Variants in LRRC28 observed in about 807,000 individuals in gnomAD.
The protein encoded by LRRC28 is leucine rich repeat containing 28.
LRRC28 carries 39 observed loss-of-function variants against 45.7 expected under a neutral mutation model. That is an observed-to-expected ratio of 0.85 (90% CI 0.66 to 1.12). The LOEUF (loss-of-function observed/expected upper bound fraction) is 1.12, where lower values mean the gene tolerates loss of function less well. Among genes scored for constraint, LRRC28 ranks in the 50% most tolerant of loss-of-function variants. The pLI is 0.00. For missense variants in LRRC28, 435 were observed against 438.5 expected, an observed-to-expected ratio of 0.99 and a Z score of 0.07; for synonymous variants, 206 against 178.8, an observed-to-expected ratio of 1.15 and a Z score of -1.22.
chr15:99,347,460 G>A (rs1956728965), intron 6 of LRRC28, among the ~76,000 whole-genome samples: 1 of 152,154 alleles, frequency 6.6e-6, no homozygotes, highest in South Asian at 2.1e-4. Flanking sequence ...GCCCGCCTTG[G>A]CCTCCCAAAG....
chr15:99,269,247 T>C (rs1010626290), intron 2 of LRRC28, among the ~76,000 whole-genome samples: 1 of 152,244 alleles, frequency 6.6e-6, no homozygotes, highest in Non-Finnish European at 1.5e-5. Context: ...GCTAAGCAAA[T>C]ACTTTCATTT....
intron 7 of LRRC28, among the ~76,000 whole-genome samples, chr15:99,354,225 G>A (rs1380083686): frequency 6.6e-6 from 1 of 152,116 alleles, no homozygotes; most frequent in Non-Finnish European, 1.5e-5. Context: ...GTATTCCTAA[G>A]CAAACTCATT....
At chr15:99,263,775 A>G (rs531450273) in intron 2 of LRRC28, among the ~76,000 whole-genome samples, 16 of 152,352 alleles carry the variant, frequency 1.1e-4, no homozygotes, top group Admixed American at 9.1e-4. Flanking sequence ...GAAGAGCATC[A>G]TTCAATCAGT....
At chr15:99,286,603 C>T (rs1240156935) in intron 3 of LRRC28, 1 of 152,192 alleles carries the variant, frequency 6.6e-6, no homozygotes, top group Non-Finnish European at 1.5e-5. Flanking sequence ...AGGAAGTCTC[C>T]ACCAGAGTGT....
chr15:99,357,808 A>AT, intron 7 of LRRC28, among the ~76,000 whole-genome samples: 1 of 152,116 alleles, frequency 6.6e-6, no homozygotes, highest in Non-Finnish European at 1.5e-5. Context: ...ACTTTTGATG[A>AT]TTTTGTATGA....
chr15:99,357,781 T>C (rs117763725), intron 7 of LRRC28, among the ~76,000 whole-genome samples: 3,338 of 152,226 alleles, frequency 0.022, 54 homozygotes, highest in Non-Finnish European at 0.035. Context: ...CACAATTATA[T>C]TGGTATGTTA....
At chr15:99,302,445 A>G (rs1323300507) in intron 5 of LRRC28, among the ~76,000 whole-genome samples, 2 of 151,012 alleles carry the variant, frequency 1.3e-5, no homozygotes, top group Non-Finnish European at 3.0e-5. Flanking sequence ...CTGGAGTGCA[A>G]TGGCGCAATC....
chr15:99,273,422 A>G (rs2081534176), intron 2 of LRRC28, among the ~76,000 whole-genome samples: 2 of 152,036 alleles, frequency 1.3e-5, no homozygotes, highest in East Asian at 3.9e-4. Flanking sequence ...ATTTTTTAGT[A>G]GAGACAGGGT....
chr15:99,294,323 G>A (rs2082209109), intron 5 of LRRC28, among the ~76,000 whole-genome samples: 1 of 151,874 alleles, frequency 6.6e-6, no homozygotes, highest in Admixed American at 6.6e-5. Context: ...ACAGGTCAGT[G>A]AACTTTGTTC....
In LRRC28 at chr15:99,269,695, G is replaced by A. The variant is rs1236141838; in HGVS notation, c.169-6881G>A. Among the ~76,000 whole-genome samples, 5 of 152,138 alleles carry A rather than the reference G, an allele frequency of 3.3e-5. No individual in the cohort carries two copies. In the East Asian group the frequency reaches 9.6e-4, roughly 29 times the overall value. The stretch of plus-strand genomic sequence containing the variant: ...TAGGATTACAGGTGTGAGCTACCAT[G>A]CCTGGCCTTAACATTTAAATTAAAG... On this transcript the variant is annotated intron_variant, in intron 2 of 9. Transcript: ENST00000301981.
At chr15:99,287,044 G>A (rs1004191537) in intron 3 of LRRC28, 7 of 423,596 alleles carry the variant, frequency 1.7e-5, no homozygotes, top group Non-Finnish European at 2.5e-5. Context: ...TCAGTAAATA[G>A]ATTTAATATT....
chr15:99,319,961 C>A lies in LRRC28; in HGVS notation c.386-13962C>A, dbSNP rs148804947. Among the ~76,000 whole-genome samples, 654 of 152,068 alleles carry A rather than the reference C, an allele frequency of 4.3e-3. 6 individuals carry two copies. Among genetic ancestry groups the A allele is most frequent in the African/African-American group, 0.015 (631 of 41,502 alleles). On this transcript the variant is annotated intron_variant, in intron 5 of 9. Coordinates refer to ENST00000301981, the MANE Select transcript of LRRC28 (RefSeq NM_144598.5). ...GGGACTACAGGTGGCCGCCACCACG[C>A]CCAGCTAATTTTTTTTGTACTTTTT...
intron 3 of LRRC28, among the ~76,000 whole-genome samples, chr15:99,286,479 T>A (rs1302358504): frequency 6.6e-6 from 1 of 152,270 alleles, no homozygotes; most frequent in East Asian, 1.9e-4. Context: ...AGGTTTTTAC[T>A]AAAATCTTGT....
At chr15:99,325,433 C>G (rs553013577) in intron 5 of LRRC28, among the ~76,000 whole-genome samples, 3 of 152,008 alleles carry the variant, frequency 2.0e-5, no homozygotes, top group African/African-American at 7.3e-5. Flanking sequence ...CAGTTTTTGC[C>G]TTCCGGCCTT....
At chr15:99,347,453 CG>C (rs2152311180) in intron 6 of LRRC28, among the ~76,000 whole-genome samples, 1 of 152,276 alleles carries the variant, frequency 6.6e-6, no homozygotes, top group Non-Finnish European at 1.5e-5. Flanking sequence ...GTGATCTGCC[CG>C]CCTTGGCCTC....
intron 9 of LRRC28, among the ~76,000 whole-genome samples, chr15:99,367,528 G>A (rs1299056606): frequency 6.6e-6 from 1 of 152,028 alleles, no homozygotes; most frequent in Non-Finnish European, 1.5e-5. Context: ...ACTCATGAGG[G>A]CAGAGCTCTC....
chr15:99,361,522 C>T lies in LRRC28; in HGVS notation c.871+11C>T. 3 of 1,560,830 alleles carry T rather than the reference C, an allele frequency of 1.9e-6. No individual in the cohort carries two copies. The highest frequency in any genetic ancestry group is 1.7e-6 in the Non-Finnish European group (2 of 1,155,346). ...ACAGCTTGCTGAAAGGTACGTGGGA[C>T]TTCTGGTTTTCTTATTTTTCTCTCT... On this transcript the variant is annotated intron_variant, in intron 8 of 9. Coordinates refer to ENST00000301981, the MANE Select transcript of LRRC28 (RefSeq NM_144598.5).
At chr15:99,367,667 C>T (rs562638644) in intron 9 of LRRC28, among the ~76,000 whole-genome samples, 27 of 152,268 alleles carry the variant, frequency 1.8e-4, no homozygotes, top group Middle Eastern at 3.4e-3. Flanking sequence ...ATAAAAGATA[C>T]AGGTGAACAG....
chr15:99,331,284 G>T (rs1956150819), intron 5 of LRRC28, among the ~76,000 whole-genome samples: 1 of 151,922 alleles, frequency 6.6e-6, no homozygotes, highest in Non-Finnish European at 1.5e-5. Context: ...CAATTCAGAG[G>T]TATTGATGAC....
Sources: gnomAD v4.1 joint callset for allele counts (sites outside exome capture counted in the v4.1 genomes callset) on GRCh38, gnomAD v4.1.1 for gene constraint, MANE v1.5 for transcripts, NCBI Gene and HGNC (gene_info 2026-07-23, HGNC 2026-07-21) for gene names.